Variants in TCTN3 observed in about 807,000 individuals in gnomAD.
The protein encoded by TCTN3 is tectonic family member 3.
In TCTN3, 57 loss-of-function variants were observed where a neutral mutation model predicts 71.3. The ratio of observed to expected loss-of-function variants is 0.80; its 90% CI spans 0.65 to 1.00. TCTN3 has a LOEUF of 1.00. Among genes scored for constraint, TCTN3 ranks in the 50% least tolerant of loss-of-function variants. The pLI is 0.00. For synonymous variants in TCTN3, 258 were observed against 267.8 expected (o/e 0.96, Z 0.36); for missense variants, 696 against 719.9 (o/e 0.97, Z 0.38).
In TCTN3 at chr10:95,663,844, A is replaced by G. The variant is rs2097923717; in HGVS notation, c.*223T>C. ...CTTGAGAAGTAGGGGCCTCATGTGT[A>G]TCTGGTGGCCTGCAGAGCCCAAAGC... On this transcript the variant is annotated 3_prime_UTR_variant, in exon 14 of 14. Transcript: ENST00000371217. 6.4e-6 allele frequency: 3 copies of G among 469,858 alleles called. No individual in the cohort carries two copies. The East Asian group carries it at 1.2e-4, about 18-fold the overall frequency. The allele number at this position is 469,858 out of a possible 1,614,324, so 29.1% of individuals were successfully genotyped here. A position where few individuals can be genotyped will look rare whatever the true frequency, so the allele number is the denominator to read the frequency against.
At chr10:95,683,000 G>T in intron 11 of TCTN3, 101 bp downstream of exon 11, 3 of 1,309,014 alleles carry the variant, frequency 2.3e-6, no homozygotes, top group Non-Finnish European at 3.2e-6. Flanking sequence ...TTCCTGACTA[G>T]CATTTTCCGA....
rs367574562 is a variant in TCTN3 at position 95,664,043 on chromosome 10, T to C, written c.*24A>G. The C allele has an allele frequency of 6.2e-6, 10 of 1,608,058 alleles. No individual in the cohort carries two copies. Among genetic ancestry groups the C allele is most frequent in the African/African-American group, 1.3e-5 (1 of 74,726 alleles). On this transcript the variant is annotated 3_prime_UTR_variant, in exon 14 of 14. Transcript: ENST00000371217. ...CCTCAGAGTTTCTCATAGGGAAAAC[T>C]GAAATCTGATTATTTTCTTTTCTTC...
chr10:95,669,752 A>C (rs1043049427), intron 13 of TCTN3, among the ~76,000 whole-genome samples: 5 of 152,192 alleles, frequency 3.3e-5, no homozygotes, highest in African/African-American at 1.2e-4. Context: ...ACAAAGTAGA[A>C]AGTATGTCAC....
intron 4 of TCTN3, 58 bp downstream of exon 4, chr10:95,687,534 T>C (rs2097949563): frequency 1.2e-6 from 2 of 1,600,402 alleles, no homozygotes; most frequent in Admixed American, 1.7e-5. Context: ...CCTTGTCAGC[T>C]GTCTGCTGTG....
intron 13 of TCTN3, among the ~76,000 whole-genome samples, chr10:95,664,981 A>C (rs2097924440): frequency 6.6e-6 from 1 of 152,212 alleles, no homozygotes; most frequent in Admixed American, 6.5e-5. Context: ...TTAAACTTGA[A>C]GATTTTCTTC....
rs2097942002 is a variant in TCTN3 at position 95,680,573 on chromosome 10, A to C, written c.1489T>G (p.Ser497Ala). 2 of 1,614,018 alleles carry C rather than the reference A, an allele frequency of 1.2e-6. No homozygotes were observed. Among genetic ancestry groups the C allele is most frequent in the Non-Finnish European group, 1.7e-6 (2 of 1,180,034 alleles). Reference sequence around the variant, plus strand: ...GCCCACAATACCTGGATCTCCAGGGAAACTGGTATGAGACAGCAGGAAGTA... The same window carrying C: ...GCCCACAATACCTGGATCTCCAGGGCAACTGGTATGAGACAGCAGGAAGTA... ...NCTSCCLIPV[S>A]LEIQVLWAYV... The change falls in exon 13 of 14, where the codon TCC becomes GCC. Residue 497 changes from serine (S) to alanine (A), a missense_variant. Transcript: ENST00000371217.
chr10:95,673,035 T>C (rs1356588030), intron 13 of TCTN3, among the ~76,000 whole-genome samples: 1 of 152,214 alleles, frequency 6.6e-6, no homozygotes, highest in South Asian at 2.1e-4. Flanking sequence ...TTTTAGTTTG[T>C]CATTGTATTG....
chr10:95,680,416 G>A, intron 13 of TCTN3, 56 bp downstream of exon 13: 11 of 1,535,898 alleles, frequency 7.2e-6, no homozygotes, highest in Non-Finnish European at 8.7e-6. Context: ...ACAAATGACT[G>A]ATAAGACAAT....
intron 3 of TCTN3, 97 bp from the exon 4 acceptor site, chr10:95,687,816 G>C: frequency 7.2e-7 from 1 of 1,389,324 alleles, no homozygotes; most frequent in Admixed American, 2.4e-5. Context: ...TAATATACAG[G>C]GTGCAAATCT....
At chr10:95,690,256 TAC>T (rs1435935379) in intron 3 of TCTN3, among the ~76,000 whole-genome samples, 2 of 152,182 alleles carry the variant, frequency 1.3e-5, no homozygotes, top group Admixed American at 6.5e-5. Flanking sequence ...AGTGCTGGAT[TAC>T]AGGTATGAGC....
At position 95,688,397 on chromosome 10, in the gene TCTN3, G is replaced by GAAAAAAAAAAAAAAA. The variant is rs60722894; in HGVS notation, c.500-693_500-679dup. Among the ~76,000 whole-genome samples, 320 of 104,504 alleles carry GAAAAAAAAAAAAAAA rather than the reference G, an allele frequency of 3.1e-3. 1 individual carries two copies. The highest frequency in any genetic ancestry group is 4.3e-3 in the Non-Finnish European group (230 of 53,888). 68.6% of individuals were successfully genotyped at this position (104,504 alleles called of 152,430 possible). A position where few individuals can be genotyped will look rare whatever the true frequency, so the allele number is the denominator to read the frequency against. ...AAGAGCGAAACTCTGTCAAAAAAAA[G>GAAAAAAAAAAAAAAA]AAAAAAAAAAAAAAAAAAAAAGAAA... On this transcript the variant is annotated intron_variant, in intron 3 of 13. Coordinates refer to ENST00000371217, the MANE Select transcript of TCTN3 (RefSeq NM_015631.6).
intron 8 of TCTN3, 126 bp downstream of exon 8, chr10:95,685,430 C>T: frequency 4.6e-6 from 3 of 649,960 alleles, no homozygotes; most frequent in Middle Eastern, 2.6e-4. Context: ...AGTTTGCATT[C>T]CCAACATTGT....
intron 13 of TCTN3, among the ~76,000 whole-genome samples, chr10:95,675,659 T>C (rs182536904): frequency 1.3e-5 from 2 of 152,328 alleles, no homozygotes; most frequent in East Asian, 3.9e-4. Flanking sequence ...TTAAGTCTAC[T>C]GGTGGTGCTG....
At chr10:95,676,782 G>C (rs905194847) in intron 13 of TCTN3, among the ~76,000 whole-genome samples, 5 of 152,062 alleles carry the variant, frequency 3.3e-5, no homozygotes, top group African/African-American at 9.7e-5. Flanking sequence ...AGTTAATGAT[G>C]ATAAAATTGA....
chr10:95,675,005 C>T (rs747438099), intron 13 of TCTN3, among the ~76,000 whole-genome samples: 1 of 151,944 alleles, frequency 6.6e-6, no homozygotes, highest in Non-Finnish European at 1.5e-5. Flanking sequence ...TGAAGTTATC[C>T]AAATTTTCAA....
rs756845605 is a variant in TCTN3, at chr10:95,678,495, T to C, written c.1590+1977A>G. Among the ~76,000 whole-genome samples, 66 of 145,568 alleles carry C rather than the reference T, an allele frequency of 4.5e-4. 1 individual carries two copies. Among genetic ancestry groups the C allele is most frequent in the Non-Finnish European group, 8.6e-4 (58 of 67,400 alleles). ...TTGCAGTGAGCCGAGATCACACCAC[T>C]GTACTCCAGGCTGGGAAACAAGAGT... On this transcript the variant is annotated intron_variant, in intron 13 of 13. Transcript: ENST00000371217.
intron 2 of TCTN3, 46 bp downstream of exon 2, chr10:95,693,307 T>C: frequency 6.5e-7 from 1 of 1,549,970 alleles, no homozygotes; most frequent in Non-Finnish European, 8.7e-7. Context: ...TTACCCGTTG[T>C]AGGCCCCAAA....
intron 3 of TCTN3, 33 bp from the exon 4 acceptor site, chr10:95,687,752 A>T: frequency 6.3e-7 from 1 of 1,589,918 alleles, no homozygotes; most frequent in East Asian, 2.2e-5. Context: ...AAGCGTTTAG[A>T]TAAAAGAAAA....
chr10:95,686,558 G>T lies in TCTN3; in HGVS notation c.853-28C>A, dbSNP rs369388923. On this transcript the variant is annotated intron_variant, in intron 6 of 13. Transcript: ENST00000371217. ...AGGAGAACAGCAGGGACATGAATGTGCATATACCTTACCAAAAATCACCAG... is the reference window on the plus strand; with the variant it reads ...AGGAGAACAGCAGGGACATGAATGTTCATATACCTTACCAAAAATCACCAG... 6.0e-5 allele frequency: 97 copies of T among 1,607,488 alleles called. 1 individual carries two copies. Among genetic ancestry groups the T allele is most frequent in the Non-Finnish European group, 7.6e-5 (89 of 1,177,890 alleles).
Sources: allele counts gnomAD v4.1 joint callset (sites outside exome capture counted in the v4.1 genomes callset), GRCh38; gene constraint gnomAD v4.1.1; transcripts MANE v1.5; gene names NCBI Gene and HGNC (gene_info 2026-07-23, HGNC 2026-07-21).